The following FBRSL1 variants were observed in gnomAD, a reference collection of about 807,000 sequenced individuals.
FBRSL1 encodes the protein fibrosin like 1.
FBRSL1 carries 51 observed loss-of-function variants against 89.6 expected under a neutral mutation model. The ratio of observed to expected loss-of-function variants is 0.57; its 90% CI spans 0.45 to 0.72. The LOEUF is 0.72. Among genes scored for constraint, FBRSL1 ranks in the 30% least tolerant of loss-of-function variants. FBRSL1 has a pLI of 0.00. For missense variants in FBRSL1, 1,618 were observed against 1,451.8 expected (o/e 1.11, Z -1.86); for synonymous variants, 779 against 681.1 (o/e 1.14, Z -2.24).
chr12:132,542,436 G>A (rs77502095), intron 4 of FBRSL1, among the ~76,000 whole-genome samples: 15,402 of 152,276 alleles, frequency 0.1, 962 homozygotes, highest in Non-Finnish European at 0.15. Flanking sequence ...GCAGGCGCCC[G>A]TGTTGTTGGG....
chr12:132,561,411 A>T (rs1285595736), intron 5 of FBRSL1, among the ~76,000 whole-genome samples: 2 of 151,014 alleles, frequency 1.3e-5, no homozygotes, highest in African/African-American at 4.9e-5. Flanking sequence ...AACCCACTAG[A>T]GTGTTTGGGT....
intron 1 of FBRSL1, among the ~76,000 whole-genome samples, chr12:132,497,652 G>A (rs932223614): frequency 3.3e-5 from 5 of 152,188 alleles, no homozygotes; most frequent in African/African-American, 9.7e-5. Context: ...GATGAGCTGA[G>A]TGAGTGGCCC....
At chr12:132,490,951 CG>C in intron 1 of FBRSL1, 90 bp downstream of exon 1, 1 of 971,952 alleles carries the variant, frequency 1.0e-6, no homozygotes, top group Non-Finnish European at 1.3e-6. Context: ...CCTGGGCTTG[CG>C]ACCGCCCGCG....
rs1394003611 is a variant in FBRSL1 at position 132,582,963 on chromosome 12, GC to G, written c.2202-3del. ...TCGGGAGTGACGGGTCCGCCCTGCC[GC>G]CCCCAGGGACCTCCTGGAGAAGACG... On this transcript the variant is annotated splice_polypyrimidine_tract_variant and splice_region_variant and intron_variant, in intron 18 of 18. Coordinates refer to ENST00000680143, the MANE Select transcript of FBRSL1 (RefSeq NM_001367871.1). 3.6e-6 allele frequency: 5 copies of G among 1,406,426 alleles called. No individual in the cohort carries two copies. Among genetic ancestry groups the G allele is most frequent in the Non-Finnish European group, 4.6e-6 (5 of 1,089,782 alleles). The allele number at this position is 1,406,426 out of a possible 1,614,324, so 87.1% of individuals were successfully genotyped here.
intron 1 of FBRSL1, among the ~76,000 whole-genome samples, chr12:132,505,998 G>C (rs1593265527): frequency 6.6e-6 from 1 of 152,270 alleles, no homozygotes. Context: ...GGGCACAGGG[G>C]CTGCGCCTGG....
intron 2 of FBRSL1, among the ~76,000 whole-genome samples, chr12:132,508,774 G>A (rs2033992218): frequency 6.6e-6 from 1 of 152,254 alleles, no homozygotes; most frequent in Non-Finnish European, 1.5e-5. Flanking sequence ...CGTGTGCGGC[G>A]TGGGGAAGGG....
chr12:132,572,121 C>T (rs893974140), intron 9 of FBRSL1, 167 bp from the exon 10 acceptor site: 11 of 621,242 alleles, frequency 1.8e-5, no homozygotes, highest in Admixed American at 5.8e-5. Context: ...AGTTCAGAGC[C>T]GTGGGGCTGG....
rs776793201 is a variant in FBRSL1 at position 132,571,296 on chromosome 12, T to C, written c.1377+65T>C. ...CGTGCCTCTCTGTCTCTCTCTCTTT[T>C]TCTCTTGTAGATCACGAGCTGCTCA... is the stretch of plus-strand genomic sequence containing the variant. On this transcript the variant is annotated intron_variant, in intron 9 of 18. Transcript: ENST00000680143. The C allele has an allele frequency of 1.8e-5, 28 of 1,518,628 alleles. No homozygotes were observed. The African/African-American group carries it at 3.2e-4, about 17-fold the overall frequency. 94.1% of individuals were successfully genotyped at this position (1,518,628 alleles called of 1,614,324 possible).
chr12:132,581,060 T>G lies in FBRSL1; in HGVS notation c.1835-379T>G, dbSNP rs887684740. On this transcript the variant is annotated intron_variant, in intron 15 of 18. Transcript: ENST00000680143. ...GCACCACATTAAGAAGTGAGGACCA[T>G]CTATCAGCTCCCAGGTGAAAGCTCT... is the stretch of plus-strand genomic sequence containing the variant. 3.0e-6 allele frequency: 3 copies of G among 985,336 alleles called. No individual in the cohort carries two copies. In the African/African-American group the frequency reaches 5.2e-5, roughly 17 times the overall value. 61.0% of individuals were successfully genotyped at this position (985,336 alleles called of 1,614,324 possible).
At chr12:132,508,731 G>T (rs2033985255) in intron 2 of FBRSL1, among the ~76,000 whole-genome samples, 1 of 152,256 alleles carries the variant, frequency 6.6e-6, no homozygotes, top group African/African-American at 2.4e-5. Context: ...ATTGCCGAGG[G>T]CTGTCCTGTC....
At chr12:132,525,942 G>T in intron 3 of FBRSL1, 119 bp downstream of exon 3, 1 of 815,468 alleles carries the variant, frequency 1.2e-6, no homozygotes, top group Non-Finnish European at 1.9e-6. Flanking sequence ...CTGCACAAGG[G>T]CGTCCAGTCC....
intron 4 of FBRSL1, among the ~76,000 whole-genome samples, chr12:132,538,806 C>A (rs547509330): frequency 2.4e-4 from 37 of 151,170 alleles, no homozygotes; most frequent in African/African-American, 8.7e-4. Context: ...ACTGAATTTG[C>A]TGAGTAAGCA....
At chr12:132,510,642 A>G in intron 2 of FBRSL1, 2 of 1,229,916 alleles carry the variant, frequency 1.6e-6, no homozygotes, top group Non-Finnish European at 2.0e-6. Context: ...GGGAGCCCCT[A>G]CAGTGCCACG....
rs931446171 is a variant in FBRSL1 at position 132,583,823 on chromosome 12, C to G, written c.*45C>G. On this transcript the variant is annotated 3_prime_UTR_variant, in exon 19 of 19. Coordinates refer to ENST00000680143, the MANE Select transcript of FBRSL1 (RefSeq NM_001367871.1). ...TCTCCGAGCGGAGCGCACCGCTGTC[C>G]GTCTCTCCATCAGTTCCTAGAACTC... is the stretch of plus-strand genomic sequence containing the variant. 2.4e-5 allele frequency: 26 copies of G among 1,101,968 alleles called. No homozygotes were observed. The East Asian group carries it at 3.6e-4, about 15-fold the overall frequency. 68.3% of individuals were successfully genotyped at this position (1,101,968 alleles called of 1,614,324 possible).
intron 14 of FBRSL1, among the ~76,000 whole-genome samples, chr12:132,574,869 G>A (rs1738415852): frequency 2.0e-5 from 3 of 152,124 alleles, no homozygotes; most frequent in Non-Finnish European, 4.4e-5. Flanking sequence ...TCACTGGGGT[G>A]CCTCTGGGGT....
At position 132,582,082 on chromosome 12, in the gene FBRSL1, G is replaced by T. The variant is rs1346356170; in HGVS notation, c.2017G>T (p.Ala673Ser). The T allele has an allele frequency of 4.5e-6, 7 of 1,547,926 alleles. No homozygotes were observed. Among genetic ancestry groups the T allele is most frequent in the Non-Finnish European group, 6.1e-6 (7 of 1,145,594 alleles). The change falls in exon 18 of 19, where the codon GCC becomes TCC. Residue 673 changes from alanine (A) to serine (S), a missense_variant. Ala to Ser is a moderately conservative substitution (Grantham distance 99). Transcript: ENST00000680143. The stretch of plus-strand genomic sequence containing the variant: ...CCCAGCTCCCGGTGGCAGCATCTTT[G>T]CCCCCAAGGAGGGCTCCTCCGTGCA... The part of the protein sequence containing the change: ...HALAPGGSIF[A>S]PKEGSSVHGL...
chr12:132,541,121 AC>A (rs918312791), intron 4 of FBRSL1, among the ~76,000 whole-genome samples: 1 of 142,100 alleles, frequency 7.0e-6, no homozygotes, highest in Non-Finnish European at 1.5e-5. Flanking sequence ...CCACATCCCT[AC>A]CCCGAGGCAT....
At chr12:132,506,068 T>C (rs1277074475) in intron 1 of FBRSL1, among the ~76,000 whole-genome samples, 1 of 152,130 alleles carries the variant, frequency 6.6e-6, no homozygotes, top group Non-Finnish European at 1.5e-5. Flanking sequence ...TGCTGTCTGT[T>C]CTCTAGAATG....
intron 1 of FBRSL1, among the ~76,000 whole-genome samples, chr12:132,492,213 C>T (rs1332113752): frequency 6.6e-6 from 1 of 152,236 alleles, no homozygotes; most frequent in African/African-American, 2.4e-5. Context: ...TCCCTAACCG[C>T]GGCTTCCTCA....
Sources: gnomAD v4.1 joint callset for allele counts (sites outside exome capture counted in the v4.1 genomes callset) on GRCh38, gnomAD v4.1.1 for gene constraint, MANE v1.5 for transcripts, NCBI Gene and HGNC (gene_info 2026-07-23, HGNC 2026-07-21) for gene names.